HDAC9: variants seen among roughly 807,000 people sequenced by gnomAD.
HDAC9 encodes the protein histone deacetylase 9.
HDAC9 carries 41 observed loss-of-function variants against 139.4 expected under a neutral mutation model. The ratio of observed to expected loss-of-function variants is 0.29; its 90% CI spans 0.23 to 0.38. HDAC9 has a LOEUF of 0.38. Among genes scored for constraint, HDAC9 ranks in the 10% least tolerant of loss-of-function variants. The probability of loss-of-function intolerance (pLI) is 1.00; values close to 1 mark genes in which losing one functional copy is unlikely to be tolerated. For synonymous variants in HDAC9, 517 were observed against 476.2 expected, an observed-to-expected ratio of 1.09 and a Z score of -1.12; for missense variants, 1,147 against 1,297.0, an observed-to-expected ratio of 0.88 and a Z score of 1.78.
At chr7:18,852,987 C>T (rs1283703249) in intron 21 of HDAC9, among the ~76,000 whole-genome samples, 1 of 151,898 alleles carries the variant, frequency 6.6e-6, no homozygotes, top group Non-Finnish European at 1.5e-5. Context: ...CGGGGAGCAA[C>T]CAGTATTTAC....
At chr7:18,641,466 C>T (rs895637613) in intron 8 of HDAC9, among the ~76,000 whole-genome samples, 82 of 152,150 alleles carry the variant, frequency 5.4e-4, no homozygotes, top group African/African-American at 1.5e-3. Flanking sequence ...CATCTTTGTA[C>T]GCCTTGCACC....
intron 2 of HDAC9, among the ~76,000 whole-genome samples, chr7:18,180,404 T>A (rs1178752157): frequency 6.6e-6 from 1 of 152,030 alleles, no homozygotes; most frequent in Non-Finnish European, 1.5e-5. Context: ...CAAGTGATTT[T>A]CTTTTTTCTT....
chr7:18,731,645 G>A (rs1485620924), intron 13 of HDAC9, among the ~76,000 whole-genome samples: 1 of 152,064 alleles, frequency 6.6e-6, no homozygotes, highest in East Asian at 1.9e-4. Context: ...TTTTTTTTGA[G>A]ACGGAGTTTT....
At chr7:18,990,697 G>A (rs1047576092) in intron 25 of HDAC9, among the ~76,000 whole-genome samples, 10 of 152,246 alleles carry the variant, frequency 6.6e-5, no homozygotes, top group African/African-American at 2.2e-4. Flanking sequence ...AGCAGTCAGC[G>A]AGATTCTGTG....
At chr7:18,341,740 C>T (rs979629903) in intron 1 of HDAC9, among the ~76,000 whole-genome samples, 12 of 151,370 alleles carry the variant, frequency 7.9e-5, no homozygotes, top group African/African-American at 2.9e-4. Flanking sequence ...ATTAATTTTT[C>T]CTTATTTGGG....
intron 2 of HDAC9, among the ~76,000 whole-genome samples, chr7:18,232,365 A>G (rs1035542226): frequency 1.3e-5 from 2 of 152,130 alleles, no homozygotes; most frequent in South Asian, 4.1e-4. Context: ...TGTAGTCCCA[A>G]CACTTCCTGA....
intron 2 of HDAC9, among the ~76,000 whole-genome samples, chr7:18,559,003 G>A (rs1205081647): frequency 6.6e-6 from 1 of 152,160 alleles, no homozygotes; most frequent in Non-Finnish European, 1.5e-5. Flanking sequence ...TCCATGTTGG[G>A]TGAGGTGACA....
intron 1 of HDAC9, among the ~76,000 whole-genome samples, chr7:18,400,442 A>G (rs565610617): frequency 2.0e-5 from 3 of 152,202 alleles, no homozygotes; most frequent in Non-Finnish European, 4.4e-5. Context: ...GTGGTCTCAG[A>G]CAAGCATGTT....
At chr7:18,836,120 A>G (rs1310713155) in intron 21 of HDAC9, 123 bp downstream of exon 21, 1 of 578,474 alleles carries the variant, frequency 1.7e-6, no homozygotes, top group Non-Finnish European at 3.0e-6. Context: ...AAGCCACATA[A>G]GAATATGTAT....
rs568620522 is a variant in HDAC9 at position 18,174,093 on chromosome 7, G to A, written c.25+11744G>A. Reference sequence around the variant, plus strand: ...TCACTTTCAGGTACACCAATCAGATGTAGATTTGGTCTTTTCGCATAGTCC... The same window carrying A: ...TCACTTTCAGGTACACCAATCAGATATAGATTTGGTCTTTTCGCATAGTCC... On this transcript the variant is annotated intron_variant, in intron 2 of 12. Coordinates refer to the HDAC9 transcript ENST00000417496. Among the ~76,000 whole-genome samples, 12 of 152,274 alleles carry A rather than the reference G, an allele frequency of 7.9e-5. No individual in the cohort carries two copies. In the East Asian group the frequency reaches 1.3e-3, roughly 17 times the overall value.
chr7:18,240,068 C>T (rs1024678571), intron 2 of HDAC9, among the ~76,000 whole-genome samples: 1 of 150,096 alleles, frequency 6.7e-6, no homozygotes, highest in Admixed American at 6.7e-5. Flanking sequence ...TCAGAAGAAA[C>T]CTTTTAACTT....
chr7:18,728,821 G>C (rs1785782372), intron 13 of HDAC9, among the ~76,000 whole-genome samples: 1 of 152,180 alleles, frequency 6.6e-6, no homozygotes, highest in African/African-American at 2.4e-5. Context: ...AAATAGCCAA[G>C]TTAATTACCT....
chr7:18,455,587 T>C (rs1793270364), intron 1 of HDAC9, among the ~76,000 whole-genome samples: 1 of 151,968 alleles, frequency 6.6e-6, no homozygotes, highest in Admixed American at 6.6e-5. Flanking sequence ...CGATTTTTAT[T>C]TAATCATTTT....
chr7:18,646,263 A>G (rs992256749), intron 9 of HDAC9, among the ~76,000 whole-genome samples: 3 of 152,120 alleles, frequency 2.0e-5, no homozygotes, highest in African/African-American at 7.2e-5. Context: ...CACTCCTCTC[A>G]ATAACTCACA....
intron 12 of HDAC9, among the ~76,000 whole-genome samples, chr7:18,720,648 C>T (rs1321315695): frequency 1.3e-5 from 2 of 150,644 alleles, no homozygotes; most frequent in African/African-American, 2.4e-5. Context: ...AATGTGTTAC[C>T]AAACGTATTT....
At chr7:18,433,079 G>A (rs1259915221) in intron 1 of HDAC9, among the ~76,000 whole-genome samples, 1 of 152,044 alleles carries the variant, frequency 6.6e-6, no homozygotes, top group East Asian at 1.9e-4. Context: ...GGGATGCGAG[G>A]TTGCTTTAAT....
intron 2 of HDAC9, among the ~76,000 whole-genome samples, chr7:18,178,188 A>G (rs1178345): frequency 0.022 from 3,279 of 152,122 alleles, 121 homozygotes; most frequent in African/African-American, 0.075. Flanking sequence ...AGTTCAAGCA[A>G]TTCCCTTGCC....
chr7:18,827,322 T>C (rs1039237967), intron 17 of HDAC9, among the ~76,000 whole-genome samples: 2 of 152,146 alleles, frequency 1.3e-5, no homozygotes, highest in Non-Finnish European at 2.9e-5. Flanking sequence ...ACATAATTGC[T>C]TGTGTACATA....
intron 1 of HDAC9, among the ~76,000 whole-genome samples, chr7:18,127,622 T>G (rs1406045935): frequency 6.6e-6 from 1 of 152,180 alleles, no homozygotes; most frequent in Non-Finnish European, 1.5e-5. Context: ...TTGTCAGAGC[T>G]AATGTCTTCA....
Sources: gnomAD v4.1 joint callset for allele counts (sites outside exome capture counted in the v4.1 genomes callset) on GRCh38, gnomAD v4.1.1 for gene constraint, MANE v1.5 for transcripts, NCBI Gene and HGNC (gene_info 2026-07-23, HGNC 2026-07-21) for gene names.